ABCC1: variants seen among roughly 807,000 people sequenced by gnomAD.
ABCC1 encodes the protein multidrug resistance-associated protein 1.
ABCC1 carries 83 observed loss-of-function variants against 172.9 expected under a neutral mutation model. The ratio of observed to expected loss-of-function variants is 0.48; its 90% CI spans 0.40 to 0.58. ABCC1 has a LOEUF of 0.58. Ranked by LOEUF, ABCC1 falls within the 20% of genes least tolerant of loss-of-function variation. The pLI is 0.00. For synonymous variants in ABCC1, 937 were observed against 825.2 expected, an observed-to-expected ratio of 1.14 and a Z score of -2.32; for missense variants, 1,817 against 2,002.7, an observed-to-expected ratio of 0.91 and a Z score of 1.77.
chr16:15,956,377 C>A (rs957508558), intron 1 of ABCC1, among the ~76,000 whole-genome samples: 12 of 147,236 alleles, frequency 8.2e-5, no homozygotes, highest in Non-Finnish European at 6.0e-5. Context: ...AAAAAAAAAA[C>A]ACAATAAAGG....
intron 5 of ABCC1, among the ~76,000 whole-genome samples, chr16:16,032,788 A>T (rs1299493920): frequency 6.6e-6 from 1 of 152,204 alleles, no homozygotes; most frequent in Non-Finnish European, 1.5e-5. Context: ...TATTTGTTGA[A>T]TGAATGAGTG....
At chr16:16,050,110 G>C (rs778251954) in intron 10 of ABCC1, among the ~76,000 whole-genome samples, 1 of 152,124 alleles carries the variant, frequency 6.6e-6, no homozygotes, top group Non-Finnish European at 1.5e-5. Context: ...TGTGTCTTCT[G>C]TGGGTACAAC....
chr16:16,049,032 GCATGTATCT>G (rs1209905542), intron 10 of ABCC1, among the ~76,000 whole-genome samples: 1 of 151,980 alleles, frequency 6.6e-6, no homozygotes, highest in Non-Finnish European at 1.5e-5. Flanking sequence ...CTTTGGGGCT[GCATGTATCT>G]CAGAAATCTG....
At chr16:16,084,750 A>G (rs927263131) in intron 17 of ABCC1, among the ~76,000 whole-genome samples, 2 of 151,636 alleles carry the variant, frequency 1.3e-5, no homozygotes, top group African/African-American at 4.8e-5. Flanking sequence ...CCTCTTGAAT[A>G]GCTGGGACTA....
intron 18 of ABCC1, 49 bp downstream of exon 18, chr16:16,087,040 G>T (rs2051037151): frequency 6.2e-7 from 1 of 1,607,330 alleles, no homozygotes; most frequent in African/African-American, 1.3e-5. Flanking sequence ...TCGCCCTTTG[G>T]TTAAGTCAGA....
rs1322412775 is a variant in ABCC1, at chr16:16,138,430, G to A, written c.4359G>A (p.Leu1453=). 4 of 1,612,186 alleles carry A rather than the reference G, an allele frequency of 2.5e-6. No individual in the cohort carries two copies. Among genetic ancestry groups the A allele is most frequent in the Non-Finnish European group, 3.4e-6 (4 of 1,178,482 alleles). ...ALLRKTKILV[L]DEATAAVDLE... Reference sequence around the variant, plus strand: ...TGAGGAAGACGAAGATCCTTGTGTTGGATGAGGCCACGGCAGCCGTGGACC... The same window carrying A: ...TGAGGAAGACGAAGATCCTTGTGTTAGATGAGGCCACGGCAGCCGTGGACC... The change falls in exon 30 of 31, where the codon TTG becomes TTA. Residue 1453 remains leucine (L), a synonymous_variant. Coordinates refer to ENST00000399410, the MANE Select transcript of ABCC1 (RefSeq NM_004996.4).
intron 1 of ABCC1, among the ~76,000 whole-genome samples, chr16:16,002,633 A>G (rs1419393133): frequency 6.6e-6 from 1 of 152,086 alleles, no homozygotes; most frequent in African/African-American, 2.4e-5. Context: ...TTAGCTGGGC[A>G]TGGTGGTGTG....
At chr16:16,111,735 A>T (rs955964881) in intron 22 of ABCC1, among the ~76,000 whole-genome samples, 153 bp downstream of exon 22, 1 of 152,148 alleles carries the variant, frequency 6.6e-6, no homozygotes, top group Non-Finnish European at 1.5e-5. Context: ...GTAGACACTC[A>T]GATATTTGTA....
chr16:16,085,874 G>T (rs75643544), intron 17 of ABCC1, among the ~76,000 whole-genome samples: 5,044 of 152,258 alleles, frequency 0.033, 132 homozygotes, highest in African/African-American at 0.067. Flanking sequence ...AGTAACCTGT[G>T]ATTTCCAGCC....
intron 19 of ABCC1, among the ~76,000 whole-genome samples, chr16:16,100,566 T>C (rs370287207): frequency 5.9e-5 from 9 of 152,384 alleles, no homozygotes; most frequent in African/African-American, 1.9e-4. Flanking sequence ...GTGTTTTGTT[T>C]GTTTTTTAAG....
At chr16:15,965,247 C>G (rs1280383040) in intron 1 of ABCC1, among the ~76,000 whole-genome samples, 1 of 151,208 alleles carries the variant, frequency 6.6e-6, no homozygotes, top group East Asian at 1.9e-4. Flanking sequence ...TAATTATTAT[C>G]TGTGGTTTGA....
At chr16:16,082,860 C>G (rs1220262626) in intron 16 of ABCC1, among the ~76,000 whole-genome samples, 2 of 152,176 alleles carry the variant, frequency 1.3e-5, no homozygotes, top group African/African-American at 4.8e-5. Context: ...GTTGTCCAGG[C>G]TGGCTTTGAA....
At chr16:16,047,903 C>T (rs1372982686) in intron 9 of ABCC1, among the ~76,000 whole-genome samples, 1 of 151,418 alleles carries the variant, frequency 6.6e-6, no homozygotes, top group Non-Finnish European at 1.5e-5. Flanking sequence ...TTCGAGGACA[C>T]CTAGGGTCCC....
chr16:16,102,742 A>G (rs1001169666), intron 20 of ABCC1, 25 bp downstream of exon 20: 3 of 1,552,240 alleles, frequency 1.9e-6, no homozygotes, highest in South Asian at 1.2e-5. Flanking sequence ...GAAGGCCCCA[A>G]CCTAAGGACC....
chr16:16,090,680 G>A (rs940825419), intron 19 of ABCC1, 92 bp downstream of exon 19: 20 of 1,381,294 alleles, frequency 1.4e-5, no homozygotes, highest in Non-Finnish European at 1.8e-5. Flanking sequence ...AGCCACTTGG[G>A]GAAGGCGGCT....
chr16:16,122,644 G>A (rs918308337), intron 24 of ABCC1, among the ~76,000 whole-genome samples: 1 of 151,510 alleles, frequency 6.6e-6, no homozygotes, highest in Non-Finnish European at 1.5e-5. Context: ...ACTTTGGGAG[G>A]CTGAGGCAGG....
chr16:15,964,010 C>A (rs2046193503), intron 1 of ABCC1, among the ~76,000 whole-genome samples: 1 of 151,380 alleles, frequency 6.6e-6, no homozygotes, highest in Non-Finnish European at 1.5e-5. Context: ...ATGGCATGAT[C>A]TCGGCTCATT....
At chr16:15,950,485 C>T (rs1014361006) in intron 1 of ABCC1, among the ~76,000 whole-genome samples, 4 of 152,126 alleles carry the variant, frequency 2.6e-5, no homozygotes, top group Non-Finnish European at 5.9e-5. Context: ...ACCCTGGTAG[C>T]TGTGGTCCTG....
In ABCC1 at chr16:16,056,278, G is replaced by A. The variant is rs373006477; in HGVS notation, c.1660G>A (p.Val554Ile). 4.2e-5 allele frequency: 67 copies of A among 1,614,114 alleles called. No individual in the cohort carries two copies. Among genetic ancestry groups the A allele is most frequent in the Non-Finnish European group, 5.2e-5 (61 of 1,180,058 alleles). The part of the protein sequence containing the change: ...YLSAVGTFTW[V>I]CTPFLVALCT... ...GTCAGCCGTGGGCACCTTCACCTGG[G>A]TCTGCACGCCCTTTCTGGTGAGTGA... Residue 554 changes from valine to isoleucine, a missense_variant, in exon 12 of 31, where the codon GTC becomes ATC. Physicochemically the swap from Val to Ile is conservative, Grantham distance 29. Transcript: ENST00000399410.
Sources: allele counts gnomAD v4.1 joint callset (sites outside exome capture counted in the v4.1 genomes callset), GRCh38; gene constraint gnomAD v4.1.1; transcripts MANE v1.5; gene names NCBI Gene and HGNC (gene_info 2026-07-23, HGNC 2026-07-21).